The following GRM6 variants were observed in gnomAD, a reference collection of about 807,000 sequenced individuals.
GRM6 encodes the protein glutamate metabotropic receptor 6, also known as metabotropic glutamate receptor 6.
A neutral mutation model predicts 78.4 loss-of-function variants in GRM6; 73 were observed. The observed-to-expected ratio is 0.93, with a 90% CI of 0.77 to 1.13. The LOEUF is 1.13. Ranked by LOEUF, GRM6 falls within the 50% of genes most tolerant of loss-of-function variation. GRM6 has a pLI of 0.00. For missense variants in GRM6, 1,251 were observed against 1,256.4 expected (o/e 1.00, Z 0.07); for synonymous variants, 580 against 555.0 (o/e 1.05, Z -0.63).
chr5:178,991,751 C>T lies in GRM6; in HGVS notation c.721+116G>A. Reference sequence around the variant, plus strand: ...GGTCCCGCCCACATGGAGCACCAGCCAGGCAACCTCGGCCCAGCATGGACC... The same window carrying T: ...GGTCCCGCCCACATGGAGCACCAGCTAGGCAACCTCGGCCCAGCATGGACC... On this transcript the variant is annotated intron_variant, in intron 3 of 10. Coordinates refer to ENST00000517717, the MANE Select transcript of GRM6 (RefSeq NM_000843.4). This position sits in a 1 kb window ranked among gnomAD's most constrained non-coding sequence, Gnocchi z 5.0. The T allele has an allele frequency of 1.8e-6, 2 of 1,141,698 alleles. No homozygotes were observed. The highest frequency in any genetic ancestry group is 1.5e-5 in the African/African-American group (1 of 65,782). 70.7% of individuals were successfully genotyped at this position (1,141,698 alleles called of 1,614,324 possible). A position where few individuals can be genotyped will look rare whatever the true frequency, so the allele number is the denominator to read the frequency against.
In GRM6 at chr5:178,986,588, C is replaced by G. The variant is rs140015974; in HGVS notation, c.1666G>C (p.Glu556Gln). 2 of 1,606,030 alleles carry G rather than the reference C, an allele frequency of 1.2e-6. No individual in the cohort carries two copies. The highest frequency in any genetic ancestry group is 2.2e-5 in the East Asian group (1 of 44,854). ...GGCCTCATGTCCCCAGGACAGGCCT[C>G]GCATGTGAACTCGTCCACCTGGAAG... Reference protein sequence around the residue: ...YRFQVDEFTCEACPGDMRPTP... With the variant: ...YRFQVDEFTCQACPGDMRPTP... The change falls in exon 9 of 11, where the codon GAG becomes CAG. Residue 556 changes from glutamate to glutamine, a missense_variant. By Grantham distance (29) the Glu-to-Gln change is conservative. Transcript: ENST00000517717.
At chr5:178,983,285 CAG>C (rs775755102) in intron 9 of GRM6, 64 bp from the exon 10 acceptor site, 1 of 1,421,566 alleles carries the variant, frequency 7.0e-7, no homozygotes, top group Non-Finnish European at 9.8e-7. Context: ...CCAGCCCTGA[CAG>C]AGGCCCCTGC....
rs1310108391 is a variant in GRM6, at chr5:178,981,791, T to C, written c.2500A>G (p.Met834Val). 6.2e-7 allele frequency: 1 copy of C among 1,612,932 alleles called. No individual in the cohort carries two copies. The highest frequency in any genetic ancestry group is 2.2e-5 in the East Asian group (1 of 44,876). Reference sequence around the variant, plus strand: ...ACGTAGGTTTTGGGTACGTAGAGCATGCCGAGGGACACCGAGGCACTCAGG... The same window carrying C: ...ACGTAGGTTTTGGGTACGTAGAGCACGCCGAGGGACACCGAGGCACTCAGG... ...LSLSASVSLG[M>V]LYVPKTYVIL... The change falls in exon 11 of 11, where the codon ATG becomes GTG. Residue 834 changes from methionine (M) to valine (V), a missense_variant. Met to Val is a conservative substitution (Grantham distance 21). Coordinates refer to ENST00000517717, the MANE Select transcript of GRM6 (RefSeq NM_000843.4). This position sits in a 1 kb window ranked among gnomAD's most constrained non-coding sequence, Gnocchi z 5.1.
intron 2 of GRM6, 75 bp downstream of exon 2, chr5:178,994,366 A>G: frequency 7.9e-7 from 1 of 1,271,318 alleles, no homozygotes; most frequent in Non-Finnish European, 1.0e-6. Flanking sequence ...GAAGTAAAGG[A>G]AGGAGACTTG....
At position 178,991,447 on chromosome 5, in the gene GRM6, G is replaced by A. The variant is rs751329862; in HGVS notation, c.834C>T (p.Ile278=). ...ACCTGATGTCATCCTCATTGGCAAA[G>A]ATGATGATGCCCCGGGCGTTGGGCG... The part of the protein sequence containing the change: ...METPNARGII[I]FANEDDIRRV... Residue 278 remains isoleucine (I), a synonymous_variant, in exon 4 of 11, where the codon ATC becomes ATT. Coordinates refer to ENST00000517717, the MANE Select transcript of GRM6 (RefSeq NM_000843.4). The surrounding 1 kb of genome is among the most constrained non-coding windows in gnomAD (Gnocchi z 5.0). The A allele has an allele frequency of 1.9e-6, 3 of 1,614,026 alleles. No homozygotes were observed. In the South Asian group the frequency reaches 3.3e-5, roughly 18 times the overall value.
Position 178,981,410 on chromosome 5 carries a change from G to T in GRM6, c.*247C>A. On this transcript the variant is annotated 3_prime_UTR_variant, in exon 11 of 11. Transcript: ENST00000517717. This position sits in a 1 kb window ranked among gnomAD's most constrained non-coding sequence, Gnocchi z 5.1. ...CCCTTTCTAGAGCTAGAACCTTCTC[G>T]GTGGCTGTTTCCCACCATGGGAAGC... 1.9e-6 allele frequency: 1 copy of T among 537,804 alleles called. No homozygotes were observed. The highest frequency in any genetic ancestry group is 2.3e-5 in the South Asian group (1 of 43,954). 33.3% of individuals were successfully genotyped at this position (537,804 alleles called of 1,614,324 possible).
In GRM6 at chr5:178,983,063, G is replaced by A; in HGVS notation, c.2283C>T (p.Leu761=). 1.2e-6 allele frequency: 2 copies of A among 1,614,226 alleles called. No homozygotes were observed. The highest frequency in any genetic ancestry group is 3.3e-4 in the Middle Eastern group (2 of 6,062). ...TGGCGTACACTGTGCACGTGACCATGAGCAGGAGGCTGTAGCCCAGGCAGC... is the reference window on the plus strand; with the variant it reads ...TGGCGTACACTGTGCACGTGACCATAAGCAGGAGGCTGTAGCCCAGGCAGC... ...LIGCLGYSLL[L]MVTCTVYAIK... The change falls in exon 10 of 11, where the codon CTC becomes CTT. Residue 761 remains leucine (L), a synonymous_variant. Transcript: ENST00000517717.
intron 9 of GRM6, chr5:178,985,715 C>A (rs11950921): frequency 0.64 from 243,938 of 381,182 alleles, 77,581 homozygotes; most frequent in Non-Finnish European, 0.68. Context: ...AAAAAAAAAA[C>A]AAAACAACAC....
At chr5:178,982,624 T>C (rs140540590) in intron 10 of GRM6, among the ~76,000 whole-genome samples, 2 of 86,082 alleles carry the variant, frequency 2.3e-5, no homozygotes, top group African/African-American at 9.5e-5. Flanking sequence ...GAACTTGAAT[T>C]AAAAAAAACA....
chr5:178,994,729 C>G lies in GRM6; in HGVS notation c.216G>C (p.Met72Ile). 6.8e-7 allele frequency: 1 copy of G among 1,463,012 alleles called. No individual in the cohort carries two copies. Among genetic ancestry groups the G allele is most frequent in the Non-Finnish European group, 9.0e-7 (1 of 1,109,148 alleles). 90.6% of individuals were successfully genotyped at this position (1,463,012 alleles called of 1,614,324 possible). A position where few individuals can be genotyped will look rare whatever the true frequency, so the allele number is the denominator to read the frequency against. The change falls in exon 2 of 11, where the codon ATG becomes ATC. Residue 72 changes from methionine (M) to isoleucine (I), a missense_variant. Met to Ile is a conservative substitution (Grantham distance 10). Coordinates refer to ENST00000517717, the MANE Select transcript of GRM6 (RefSeq NM_000843.4). The part of the protein sequence containing the change: ...KEQGVHRLEA[M>I]LYALDRVNAD... ...CGTTGACGCGGTCCAGCGCGTACAG[C>G]ATGGCCTCCAGCCGGTGCACGCCCT...
chr5:178,985,514 T>G (rs926969468), intron 9 of GRM6: 108 of 339,788 alleles, frequency 3.2e-4, no homozygotes, highest in South Asian at 1.9e-3. Context: ...CCATCCTGGC[T>G]AACACGGTGA....
chr5:178,991,826 C>T lies in GRM6; in HGVS notation c.721+41G>A. The T allele has an allele frequency of 6.5e-7, 1 of 1,549,034 alleles. No homozygotes were observed. Among genetic ancestry groups the T allele is most frequent in the East Asian group, 2.3e-5 (1 of 44,092 alleles). ...GCCCCAACTGAGGGCCCCGGGCCCA[C>T]ACTATGTAGACTCCTTGGTGCCTCG... On this transcript the variant is annotated intron_variant, in intron 3 of 10. Transcript: ENST00000517717. The surrounding 1 kb of genome is among the most constrained non-coding windows in gnomAD (Gnocchi z 5.0).
At chr5:178,993,984 C>T (rs1760728146) in intron 2 of GRM6, among the ~76,000 whole-genome samples, 1 of 152,214 alleles carries the variant, frequency 6.6e-6, no homozygotes, top group South Asian at 2.1e-4. Context: ...CCATAGCAGC[C>T]CAGGGACACG....
rs995495238 is a variant in GRM6, at chr5:178,979,900, G to C, written c.*1757C>G. On this transcript the variant is annotated 3_prime_UTR_variant, in exon 11 of 11. Coordinates refer to ENST00000517717, the MANE Select transcript of GRM6 (RefSeq NM_000843.4). ...GGAACCGCCTTTGGCAAGAAAACAC[G>C]CCCCATTACCCATGAGAGAGCTGCA... 3 of 154,460 alleles carry C rather than the reference G, an allele frequency of 1.9e-5. No individual in the cohort carries two copies. The highest frequency in any genetic ancestry group is 7.2e-5 in the African/African-American group (3 of 41,596). The allele number at this position is 154,460 out of a possible 1,614,324, so 9.6% of individuals were successfully genotyped here. A position where few individuals can be genotyped will look rare whatever the true frequency, so the allele number is the denominator to read the frequency against.
Position 178,988,157 on chromosome 5 carries a change from G to A in GRM6, c.1354+778C>T, listed in dbSNP as rs747967165. Among the ~76,000 whole-genome samples the A allele has an allele frequency of 7.9e-5, 12 of 152,126 alleles. No individual in the cohort carries two copies. Among genetic ancestry groups the A allele is most frequent in the African/African-American group, 2.4e-5 (1 of 41,430 alleles). ...TTTATCACAATTAAAAATGAAAAAAGTTTCACTGTCCAGGCGAGAGGATGA... is the reference window on the plus strand; with the variant it reads ...TTTATCACAATTAAAAATGAAAAAAATTTCACTGTCCAGGCGAGAGGATGA... On this transcript the variant is annotated intron_variant, in intron 7 of 10. Coordinates refer to ENST00000517717, the MANE Select transcript of GRM6 (RefSeq NM_000843.4). This position sits in a 1 kb window ranked among gnomAD's most constrained non-coding sequence, Gnocchi z 6.0.
At position 178,984,806 on chromosome 5, in the gene GRM6, C is replaced by T. The variant is rs150836591; in HGVS notation, c.2124+1324G>A. On this transcript the variant is annotated intron_variant, in intron 9 of 10. Coordinates refer to ENST00000517717, the MANE Select transcript of GRM6 (RefSeq NM_000843.4). ...TGGAACGAATAGAGAAGGGGCTCGC[C>T]GGGAGTGGACAGCACCGGGAGTGCT... Among the ~76,000 whole-genome samples, 856 of 152,138 alleles carry T rather than the reference C, an allele frequency of 5.6e-3. 5 individuals carry two copies. The highest frequency in any genetic ancestry group is 0.018 in the African/African-American group (747 of 41,496).
chr5:178,989,392 G>T lies in GRM6; in HGVS notation c.1026C>A (p.Tyr342Ter), dbSNP rs1373891652. The stretch of plus-strand genomic sequence containing the variant: ...TGTTCTCCAGGGATCGAGTCATGAA[G>T]TACTGGTCAAATCCTACAGACAGGG... ...KRASIDGFDQ[Y>*]FMTRSLENNR... The change falls in exon 6 of 11, where the codon TAC becomes TAA. Residue 342 changes from tyrosine (Y) to a stop codon, truncating the protein, a stop_gained. Coordinates refer to ENST00000517717, the MANE Select transcript of GRM6 (RefSeq NM_000843.4). LOFTEE classifies it high-confidence loss of function. 1.2e-6 allele frequency: 2 copies of T among 1,614,118 alleles called. No homozygotes were observed. Among genetic ancestry groups the T allele is most frequent in the South Asian group, 2.2e-5 (2 of 91,082 alleles).
At position 178,992,538 on chromosome 5, in the gene GRM6, G is replaced by T; in HGVS notation, c.505-455C>A. 3.1e-6 allele frequency: 1 copy of T among 321,064 alleles called. No individual in the cohort carries two copies. The highest frequency in any genetic ancestry group is 6.2e-6 in the Non-Finnish European group (1 of 160,836). The allele number at this position is 321,064 out of a possible 1,614,324, so 19.9% of individuals were successfully genotyped here. ...AGGAGGGATTAGGGCAGACAGGGGA[G>T]CAGCAGGGGATGTTCCATTTAAAGC... On this transcript the variant is annotated intron_variant, in intron 2 of 10. Coordinates refer to ENST00000517717, the MANE Select transcript of GRM6 (RefSeq NM_000843.4). This position sits in a 1 kb window ranked among gnomAD's most constrained non-coding sequence, Gnocchi z 4.9.
rs1439450535 is a variant in GRM6 at position 178,991,206 on chromosome 5, G to A, written c.857+218C>T. 6.6e-6 allele frequency among the ~76,000 whole-genome samples: 1 copy of A among 152,134 alleles called. No individual in the cohort carries two copies. The highest frequency in any genetic ancestry group is 1.5e-5 in the Non-Finnish European group (1 of 68,018). On this transcript the variant is annotated intron_variant, in intron 4 of 10. Coordinates refer to ENST00000517717, the MANE Select transcript of GRM6 (RefSeq NM_000843.4). This position sits in a 1 kb window ranked among gnomAD's most constrained non-coding sequence, Gnocchi z 5.0. ...CCAGGAGCTGTAAACACAGACACAT[G>A]TTCTGTGCGCTATTCAGTCTGGGCT...
Sources: gnomAD v4.1 joint callset for allele counts (sites outside exome capture counted in the v4.1 genomes callset) on GRCh38, gnomAD v4.1.1 for gene constraint, Gnocchi (gnomAD v3.1) non-coding constraint, MANE v1.5 for transcripts, NCBI Gene and HGNC (gene_info 2026-07-23, HGNC 2026-07-21) for gene names.